The following PTPRT variants were observed in gnomAD, a reference collection of about 807,000 sequenced individuals.
PTPRT encodes receptor-type tyrosine-protein phosphatase T.
Under a neutral mutation model 176.8 loss-of-function variants are expected in PTPRT, and 56 were observed. The observed-to-expected ratio is 0.32, with a 90% CI of 0.26 to 0.40. The LOEUF is 0.40. Among genes scored for constraint, PTPRT ranks in the 10% least tolerant of loss-of-function variants. PTPRT has a pLI of 1.00. For missense variants in PTPRT, 1,540 were observed against 1,908.2 expected (o/e 0.81, Z 3.60); for synonymous variants, 783 against 739.0 (o/e 1.06, Z -0.96).
In PTPRT at chr20:42,981,504, G is replaced by T. The variant is rs1005461520; in HGVS notation, c.89-95572C>A. On this transcript the variant is annotated intron_variant, in intron 1 of 30. Coordinates refer to ENST00000373187, the MANE Select transcript of PTPRT (RefSeq NM_007050.6). ...CAAGCAGAGGCTTGAAGAAGTACTTGCGCATTGGGCTTGCCCTCTTGTTGC... is the reference window on the plus strand; with the variant it reads ...CAAGCAGAGGCTTGAAGAAGTACTTTCGCATTGGGCTTGCCCTCTTGTTGC... Among the ~76,000 whole-genome samples, 5 of 152,216 alleles carry T rather than the reference G, an allele frequency of 3.3e-5. No individual in the cohort carries two copies. The East Asian group carries it at 9.7e-4, about 29-fold the overall frequency.
intron 1 of PTPRT, among the ~76,000 whole-genome samples, chr20:43,033,556 A>G (rs1366827680): frequency 6.6e-6 from 1 of 152,194 alleles, no homozygotes; most frequent in Non-Finnish European, 1.5e-5. Context: ...TTCTCATAAT[A>G]AAGTCCAGGT....
intron 1 of PTPRT, among the ~76,000 whole-genome samples, chr20:42,896,190 G>A (rs948871114): frequency 4.6e-5 from 7 of 151,950 alleles, no homozygotes; most frequent in South Asian, 4.2e-4. Flanking sequence ...TGCACTCAGC[G>A]TCAGATCAGG....
At chr20:42,359,767 G>T (rs769188681) in intron 9 of PTPRT, among the ~76,000 whole-genome samples, 1 of 152,248 alleles carries the variant, frequency 6.6e-6, no homozygotes, top group African/African-American at 2.4e-5. Context: ...CAGCCTGCAG[G>T]CTTGGTTGGC....
At chr20:43,034,246 G>A (rs565641413) in intron 1 of PTPRT, among the ~76,000 whole-genome samples, 13 of 152,310 alleles carry the variant, frequency 8.5e-5, no homozygotes, top group Non-Finnish European at 1.6e-4. Flanking sequence ...CAAGAGCCCA[G>A]ACTTTGGCAT....
intron 9 of PTPRT, among the ~76,000 whole-genome samples, chr20:42,447,023 C>A (rs2070745937): frequency 6.6e-6 from 1 of 152,110 alleles, no homozygotes; most frequent in African/African-American, 2.4e-5. Flanking sequence ...GTTCTCAGGA[C>A]CACCTGTGAC....
rs1308279574 is a variant in PTPRT, at chr20:42,358,385, C to T, written c.1561-6100G>A. ...ACTAGGTGCTTGGCCATGTACTAAG[C>T]TCTAGAGAATCCTCAGGAACCTACA... On this transcript the variant is annotated intron_variant, in intron 9 of 30. Transcript: ENST00000373187. Among the ~76,000 whole-genome samples, 3 of 152,106 alleles carry T rather than the reference C, an allele frequency of 2.0e-5. 1 individual carries two copies. The highest frequency in any genetic ancestry group is 4.4e-5 in the Non-Finnish European group (3 of 68,022).
At chr20:42,750,627 C>T (rs1198732532) in intron 6 of PTPRT, among the ~76,000 whole-genome samples, 1 of 152,190 alleles carries the variant, frequency 6.6e-6, no homozygotes, top group Non-Finnish European at 1.5e-5. Flanking sequence ...CACTAATTCT[C>T]ATACTGATGA....
chr20:42,595,757 G>C (rs1406162337), intron 7 of PTPRT, among the ~76,000 whole-genome samples: 3 of 152,128 alleles, frequency 2.0e-5, no homozygotes, highest in Non-Finnish European at 4.4e-5. Flanking sequence ...CTCTTGCCAG[G>C]AATTTCAGTG....
chr20:42,441,935 T>A (rs917886353), intron 9 of PTPRT, among the ~76,000 whole-genome samples: 1 of 152,222 alleles, frequency 6.6e-6, no homozygotes, highest in African/African-American at 2.4e-5. Context: ...TTGGGCTGTA[T>A]TAGTCACAAT....
At chr20:43,087,690 A>T (rs921981119) in intron 1 of PTPRT, among the ~76,000 whole-genome samples, 1 of 152,080 alleles carries the variant, frequency 6.6e-6, no homozygotes, top group Non-Finnish European at 1.5e-5. Context: ...GGGGCCTCTG[A>T]GCCACTCAAT....
chr20:42,783,106 C>T (rs1036565765), intron 3 of PTPRT, among the ~76,000 whole-genome samples: 2 of 152,124 alleles, frequency 1.3e-5, no homozygotes, highest in Non-Finnish European at 2.9e-5. Context: ...ATAAATCCCT[C>T]GAAGAAGAAA....
intron 2 of PTPRT, among the ~76,000 whole-genome samples, chr20:42,837,877 G>C (rs1021525049): frequency 5.3e-5 from 8 of 152,108 alleles, no homozygotes; most frequent in African/African-American, 1.9e-4. Flanking sequence ...GGGGACTGAG[G>C]GAAAGAGGGG....
At chr20:42,841,212 G>C (rs1211328336) in intron 2 of PTPRT, among the ~76,000 whole-genome samples, 1 of 152,102 alleles carries the variant, frequency 6.6e-6, no homozygotes, top group African/African-American at 2.4e-5. Flanking sequence ...CACTCACCAG[G>C]AACAAGGCCC....
chr20:42,765,023 C>T (rs1422696444), intron 5 of PTPRT, among the ~76,000 whole-genome samples: 2 of 152,212 alleles, frequency 1.3e-5, no homozygotes, highest in Non-Finnish European at 2.9e-5. Flanking sequence ...CTCAGCTCAT[C>T]AACCCTGTTG....
Position 42,851,164 on chromosome 20 carries a change from A to G in PTPRT, c.214+34643T>C, listed in dbSNP as rs544847966. ...GTTGAACATTTTGTTCTTGTCTTAC[A>G]TCTATTCTGTTCCCTGCACAGCTCA... On this transcript the variant is annotated intron_variant, in intron 2 of 30. Transcript: ENST00000373187. Among the ~76,000 whole-genome samples the G allele has an allele frequency of 3.8e-4, 58 of 152,244 alleles. No individual in the cohort carries two copies. In the South Asian group the frequency reaches 0.012, roughly 31 times the overall value.
chr20:42,552,355 T>C (rs2072784565), intron 7 of PTPRT, among the ~76,000 whole-genome samples: 2 of 152,060 alleles, frequency 1.3e-5, no homozygotes. Flanking sequence ...AAATAAAAAT[T>C]CAGAATCTAA....
intron 11 of PTPRT, among the ~76,000 whole-genome samples, chr20:42,321,758 C>T (rs930689848): frequency 6.6e-6 from 1 of 152,134 alleles, no homozygotes; most frequent in Admixed American, 6.5e-5. Flanking sequence ...ATACTAGACA[C>T]ATAATGGTTT....
chr20:42,442,734 G>A (rs1168964374), intron 9 of PTPRT, among the ~76,000 whole-genome samples: 1 of 152,192 alleles, frequency 6.6e-6, no homozygotes, highest in Admixed American at 6.5e-5. Flanking sequence ...GGACGAAGAC[G>A]AGAACAATTA....
Position 42,677,823 on chromosome 20 carries a change from C to G in PTPRT, c.1153+43G>C, listed in dbSNP as rs749352604. ...AGAGGAAAGCCAGTCTTGGCAATAGCACAGCCTCTCATAATGGAGCCTGGG... is the reference window on the plus strand; with the variant it reads ...AGAGGAAAGCCAGTCTTGGCAATAGGACAGCCTCTCATAATGGAGCCTGGG... On this transcript the variant is annotated intron_variant, in intron 7 of 30. Coordinates refer to ENST00000373187, the MANE Select transcript of PTPRT (RefSeq NM_007050.6). 13 of 1,578,260 alleles carry G rather than the reference C, an allele frequency of 8.2e-6. No individual in the cohort carries two copies. In the South Asian group the frequency reaches 1.4e-4, roughly 17 times the overall value.
Sources: allele counts gnomAD v4.1 joint callset (sites outside exome capture counted in the v4.1 genomes callset), GRCh38; gene constraint gnomAD v4.1.1; transcripts MANE v1.5; gene names NCBI Gene and HGNC (gene_info 2026-07-23, HGNC 2026-07-21).